Variants in STK26 observed in about 807,000 individuals in gnomAD.
The protein encoded by STK26 is serine/threonine-protein kinase 26.
In STK26, 14 loss-of-function variants were observed where a neutral mutation model predicts 34.7. The ratio of observed to expected loss-of-function variants is 0.40; its 90% CI spans 0.27 to 0.63. The LOEUF is 0.63. STK26 is among the 30% of genes least tolerant of loss of function. The pLI is 0.38. For synonymous variants in STK26, 100 were observed against 109.8 expected, an observed-to-expected ratio of 0.91 and a Z score of 0.56; for missense variants, 226 against 309.1, an observed-to-expected ratio of 0.73 and a Z score of 2.02.
rs148907391 is a variant in STK26 at position 132,061,302 on chromosome X, C to G, written c.274-2131C>G. Among the ~76,000 whole-genome samples the G allele has an allele frequency of 1.8e-3, 201 of 112,262 alleles. 1 individual carries two copies. Among genetic ancestry groups the G allele is most frequent in the African/African-American group, 6.3e-3 (194 of 30,934 alleles). On this transcript the variant is annotated intron_variant, in intron 3 of 11. Transcript: ENST00000394334. Reference sequence around the variant, plus strand: ...AACCTATCCACCATTGTAAGAACCACTTTTTTCTTCTCTTGAAAAAAGTAT... The same window carrying G: ...AACCTATCCACCATTGTAAGAACCAGTTTTTTCTTCTCTTGAAAAAAGTAT...
chrX:132,056,586 G>A (rs1926866890), intron 3 of STK26, among the ~76,000 whole-genome samples: 1 of 111,273 alleles, frequency 9.0e-6, no homozygotes, highest in African/African-American at 3.3e-5. Flanking sequence ...TTGGCATTGG[G>A]TCTGCTTGTG....
At chrX:132,073,219 A>G (rs1927477064) in intron 11 of STK26, 126 bp downstream of exon 11, 4 of 696,936 alleles carry the variant, frequency 5.7e-6, no homozygotes, top group Admixed American at 8.1e-5. Context: ...TTCAATACAT[A>G]GTTGTATACT....
In STK26 at chrX:132,054,736, G is replaced by A. The variant is rs777377443; in HGVS notation, c.148G>A (p.Val50Ile). 1.9e-5 allele frequency: 23 copies of A among 1,209,231 alleles called. 1 individual carries two copies. Among genetic ancestry groups the A allele is most frequent in the East Asian group, 8.9e-5 (3 of 33,758 alleles). The change falls in exon 3 of 12, where the codon GTT (valine) becomes ATT (isoleucine). Residue 50 changes from valine to isoleucine, a missense_variant. Physicochemically the swap from Val to Ile is conservative, Grantham distance 29. Transcript: ENST00000394334. ...AATTGATAACCGTACCCAGCAAGTC[G>A]TTGCTATTAAAATCATAGACCTTGA... ...KGIDNRTQQV[V>I]AIKIIDLEEA... is the part of the protein sequence containing the mutation.
chrX:132,042,176 G>T (rs896063730), intron 2 of STK26, among the ~76,000 whole-genome samples: 1 of 111,164 alleles, frequency 9.0e-6, no homozygotes, highest in Non-Finnish European at 1.9e-5. Flanking sequence ...ATGGAGATAG[G>T]TTTCAGAAAT....
At chrX:132,060,865 C>A (rs1189910581) in intron 3 of STK26, among the ~76,000 whole-genome samples, 1 of 110,962 alleles carries the variant, frequency 9.0e-6, no homozygotes, top group African/African-American at 3.3e-5. Context: ...GATCCTCCCA[C>A]CTCGGCCTCC....
intron 2 of STK26, among the ~76,000 whole-genome samples, chrX:132,039,836 C>T (rs1926196383): frequency 9.0e-6 from 1 of 111,556 alleles, no homozygotes; most frequent in African/African-American, 3.3e-5. Context: ...TACCATCTTC[C>T]AGTAGTGCTT....
Position 132,074,452 on chromosome X carries a change from AC to A in STK26, c.*295del. 8.9e-6 allele frequency: 2 copies of A among 225,134 alleles called. No homozygotes were observed. The highest frequency in any genetic ancestry group is 1.6e-5 in the Non-Finnish European group (2 of 125,295). 18.6% of individuals were successfully genotyped at this position (225,134 alleles called of 1,213,427 possible). A position where few individuals can be genotyped will look rare whatever the true frequency, so the allele number is the denominator to read the frequency against. The stretch of plus-strand genomic sequence containing the variant: ...TATTTCTTAAGTTACGAGGATGAAT[AC>A]CTTTCACATTTTGATCTTTAGTTGA... On this transcript the variant is annotated 3_prime_UTR_variant, in exon 12 of 12. Coordinates refer to ENST00000394334, the MANE Select transcript of STK26 (RefSeq NM_016542.4).
intron 2 of STK26, among the ~76,000 whole-genome samples, chrX:132,035,324 C>T (rs1161959652): frequency 1.8e-5 from 2 of 111,097 alleles, no homozygotes; most frequent in African/African-American, 6.5e-5. Context: ...GGCAGGTTTG[C>T]GACTTAGCAA....
chrX:132,070,373 G>T (rs1337385027), intron 7 of STK26, among the ~76,000 whole-genome samples: 1 of 112,041 alleles, frequency 8.9e-6, no homozygotes, highest in African/African-American at 3.2e-5. Flanking sequence ...ACTTCAATGT[G>T]AAGTTGTATA....
intron 2 of STK26, among the ~76,000 whole-genome samples, chrX:132,033,490 C>T (rs1425903359): frequency 8.9e-6 from 1 of 111,957 alleles, no homozygotes; most frequent in African/African-American, 3.3e-5. Flanking sequence ...GCTACTGACC[C>T]CATAGGAAGA....
chrX:132,031,526 C>G (rs1602742865), intron 2 of STK26, among the ~76,000 whole-genome samples: 1 of 112,271 alleles, frequency 8.9e-6, no homozygotes, highest in African/African-American at 3.2e-5. Context: ...ATTCTACTAT[C>G]TGTTTTCTCA....
At chrX:132,024,528 CTTT>C (rs1351330742) in intron 2 of STK26, among the ~76,000 whole-genome samples, 3 of 111,723 alleles carry the variant, frequency 2.7e-5, no homozygotes, top group African/African-American at 9.8e-5. Context: ...AATTTACTAA[CTTT>C]TTAAAGCATT....
At chrX:132,063,616 T>G (rs1927127681) in intron 4 of STK26, 127 bp downstream of exon 4, 3 of 559,269 alleles carry the variant, frequency 5.4e-6, no homozygotes, top group Non-Finnish European at 8.5e-6. Flanking sequence ...ATGTTCAAAT[T>G]AAATTCTTTT....
At chrX:132,055,193 G>A (rs1278852185) in intron 3 of STK26, among the ~76,000 whole-genome samples, 2 of 111,860 alleles carry the variant, frequency 1.8e-5, no homozygotes, top group Non-Finnish European at 3.8e-5. Flanking sequence ...GGTCTTAACT[G>A]TCTCAACCTC....
intron 2 of STK26, among the ~76,000 whole-genome samples, chrX:132,036,465 C>T (rs1392348370): frequency 9.0e-6 from 1 of 111,244 alleles, no homozygotes; most frequent in East Asian, 2.8e-4. Context: ...TGTATTGGTG[C>T]ACGCCTATAA....
At chrX:132,023,431 C>T in intron 1 of STK26, 24 bp downstream of exon 1, 1 of 579,374 alleles carries the variant, frequency 1.7e-6, no homozygotes, top group Non-Finnish European at 3.0e-6. Context: ...CAGGGAGCTG[C>T]GCCGCTAACA....
chrX:132,044,796 T>C (rs866749161), intron 2 of STK26, among the ~76,000 whole-genome samples: 3 of 35,341 alleles, frequency 8.5e-5, no homozygotes, highest in African/African-American at 4.4e-4. Flanking sequence ...TTTATATATA[T>C]AGAGAGAGAT....
intron 4 of STK26, among the ~76,000 whole-genome samples, chrX:132,067,307 A>G (rs1927254838): frequency 9.0e-6 from 1 of 111,577 alleles, no homozygotes. Context: ...AGAGTGGGCA[A>G]TGTTTGATTT....
chrX:132,072,538 G>A (rs1602782231), intron 9 of STK26, among the ~76,000 whole-genome samples, 177 bp downstream of exon 9: 1 of 100,906 alleles, frequency 9.9e-6, no homozygotes, highest in Admixed American at 1.0e-4. Context: ...GTTAATAGAA[G>A]TTATTTAAGT....
Sources: allele counts gnomAD v4.1 joint callset (sites outside exome capture counted in the v4.1 genomes callset), GRCh38; gene constraint gnomAD v4.1.1; transcripts MANE v1.5; gene names NCBI Gene and HGNC (gene_info 2026-07-23, HGNC 2026-07-21).